STXBP4: variants seen among roughly 807,000 people sequenced by gnomAD.
The protein encoded by STXBP4 is syntaxin binding protein 4, also known as syntaxin-binding protein 4.
STXBP4 carries 55 observed loss-of-function variants against 76.1 expected under a neutral mutation model. That is an observed-to-expected ratio of 0.72 (90% CI 0.58 to 0.91). The LOEUF is 0.91. Ranked by LOEUF, STXBP4 falls within the 40% of genes least tolerant of loss-of-function variation. The pLI is 0.00. For synonymous variants in STXBP4, 201 were observed against 220.2 expected (o/e 0.91, Z 0.77); for missense variants, 618 against 636.9 (o/e 0.97, Z 0.32).
intron 16 of STXBP4, among the ~76,000 whole-genome samples, chr17:55,110,437 G>T (rs1328044250): frequency 1.3e-5 from 2 of 152,148 alleles, no homozygotes; most frequent in African/African-American, 4.8e-5. Flanking sequence ...GGGCCTTGGA[G>T]GATAGATAGA....
At chr17:55,185,296 T>TCCTC in the STXBP4 span, among the ~76,000 whole-genome samples, 1 of 87,946 alleles carries the variant, frequency 1.1e-5, no homozygotes, top group African/African-American at 4.8e-5. Context: ...TCCTTCTCCT[T>TCCTC]CTCCTTCTCC....
At chr17:55,048,671 A>G (rs1319859438) in intron 12 of STXBP4, among the ~76,000 whole-genome samples, 1 of 151,924 alleles carries the variant, frequency 6.6e-6, no homozygotes, top group African/African-American at 2.4e-5. Flanking sequence ...AACTTAGGAA[A>G]GAAGGAAGAG....
chr17:55,015,726 G>C (rs1329199616), intron 8 of STXBP4, among the ~76,000 whole-genome samples: 1 of 151,564 alleles, frequency 6.6e-6, no homozygotes, highest in Non-Finnish European at 1.5e-5. Flanking sequence ...GGGTTGAAAG[G>C]GGGTCCTTAT....
chr17:55,158,639 C>G (rs1156457542), intron 17 of STXBP4, among the ~76,000 whole-genome samples: 2 of 152,208 alleles, frequency 1.3e-5, no homozygotes, highest in African/African-American at 2.4e-5. Context: ...TCACCATTTC[C>G]TAGACATACC....
At chr17:55,105,604 G>A (rs1598317678) in intron 16 of STXBP4, among the ~76,000 whole-genome samples, 1 of 151,522 alleles carries the variant, frequency 6.6e-6, no homozygotes, top group Non-Finnish European at 1.5e-5. Flanking sequence ...CAAGTAGCTG[G>A]GACGACAGGC....
At chr17:55,063,280 C>A (rs1015409070) in intron 12 of STXBP4, among the ~76,000 whole-genome samples, 2 of 152,188 alleles carry the variant, frequency 1.3e-5, no homozygotes, top group African/African-American at 4.8e-5. Context: ...TAGAAAAGAT[C>A]TTACCATGTT....
rs546310850 is a variant in STXBP4 at position 55,000,094 on chromosome 17, A to G, written c.498+252A>G. The G allele has an allele frequency of 9.6e-4, 456 of 476,356 alleles. 2 individuals carry two copies. The highest frequency in any genetic ancestry group is 9.0e-3 in the African/African-American group (425 of 47,314). The allele number at this position is 476,356 out of a possible 1,614,324, so 29.5% of individuals were successfully genotyped here. ...CATGACAAAATGGTTCCACAAAGATATGCCTAGATATCACTCAAAACTATG... is the reference window on the plus strand; with the variant it reads ...CATGACAAAATGGTTCCACAAAGATGTGCCTAGATATCACTCAAAACTATG... On this transcript the variant is annotated intron_variant, in intron 6 of 17. Coordinates refer to ENST00000376352, the MANE Select transcript of STXBP4 (RefSeq NM_178509.6).
At chr17:55,208,313 G>T in the STXBP4 span, among the ~76,000 whole-genome samples, 1 of 152,022 alleles carries the variant, frequency 6.6e-6, no homozygotes, top group Non-Finnish European at 1.5e-5. Context: ...ACTGTGAACT[G>T]CTTTTGTGCA....
intron 9 of STXBP4, among the ~76,000 whole-genome samples, chr17:55,032,661 A>G (rs2078529863): frequency 6.6e-6 from 1 of 152,158 alleles, no homozygotes. Context: ...GAAAAGAAGT[A>G]TATTCCTTTG....
intron 16 of STXBP4, among the ~76,000 whole-genome samples, chr17:55,129,361 A>G (rs974925661): frequency 6.6e-6 from 1 of 152,150 alleles, no homozygotes; most frequent in Non-Finnish European, 1.5e-5. Flanking sequence ...ATGAAATAGA[A>G]AACTATTTTT....
chr17:55,110,594 C>CT (rs1459942362), intron 16 of STXBP4, among the ~76,000 whole-genome samples: 1 of 152,134 alleles, frequency 6.6e-6, no homozygotes, highest in Non-Finnish European at 1.5e-5. Context: ...ATTCTGTAAA[C>CT]TTTTTTTCTG....
intron 16 of STXBP4, among the ~76,000 whole-genome samples, chr17:55,126,967 T>A (rs1013636379): frequency 6.6e-6 from 1 of 152,206 alleles, no homozygotes; most frequent in Non-Finnish European, 1.5e-5. Context: ...CACATACTAC[T>A]GGTTCAGGAT....
chr17:55,205,663 A>G, the STXBP4 span, among the ~76,000 whole-genome samples: 3 of 152,130 alleles, frequency 2.0e-5, no homozygotes, highest in East Asian at 5.8e-4. Context: ...GTTCAACCTC[A>G]TTGTATTAAA....
intron 16 of STXBP4, among the ~76,000 whole-genome samples, chr17:55,118,700 G>A (rs1341149803): frequency 6.6e-6 from 1 of 151,708 alleles, no homozygotes; most frequent in East Asian, 1.9e-4. Flanking sequence ...AACCTTTAGA[G>A]GTCTATTGAA....
chr17:55,083,616 G>C (rs1018086653), intron 16 of STXBP4, among the ~76,000 whole-genome samples: 3 of 152,172 alleles, frequency 2.0e-5, no homozygotes, highest in African/African-American at 7.2e-5. Flanking sequence ...CGTGGTTGCA[G>C]TCAGATGTCT....
chr17:55,018,479 G>A (rs1266512805), intron 8 of STXBP4, among the ~76,000 whole-genome samples: 1 of 152,128 alleles, frequency 6.6e-6, no homozygotes, highest in East Asian at 1.9e-4. Flanking sequence ...AGAAAGGGAG[G>A]GGACCCAAAG....
At chr17:55,056,499 A>C (rs966113687) in intron 12 of STXBP4, among the ~76,000 whole-genome samples, 1 of 152,166 alleles carries the variant, frequency 6.6e-6, no homozygotes, top group African/African-American at 2.4e-5. Context: ...GTTTACATCC[A>C]CACTAACAAA....
At chr17:55,044,542 T>C (rs914933512) in intron 11 of STXBP4, 1 of 152,132 alleles carries the variant, frequency 6.6e-6, no homozygotes, top group Admixed American at 6.6e-5. Flanking sequence ...CTGACACCTT[T>C]AATCGCAGTA....
At position 54,999,852 on chromosome 17, in the gene STXBP4, G is replaced by A; in HGVS notation, c.498+10G>A. ...TTTATCTTCTTGTGAGGTAAGTCAG[G>A]TAATCTTAAATTTCTCTATATATGC... On this transcript the variant is annotated intron_variant, in intron 6 of 17. Transcript: ENST00000376352. 6.3e-7 allele frequency: 1 copy of A among 1,589,224 alleles called. No homozygotes were observed. Among genetic ancestry groups the A allele is most frequent in the South Asian group, 1.1e-5 (1 of 89,678 alleles).
Sources: allele counts gnomAD v4.1 joint callset (sites outside exome capture counted in the v4.1 genomes callset), GRCh38; gene constraint gnomAD v4.1.1; transcripts MANE v1.5; gene names NCBI Gene and HGNC (gene_info 2026-07-23, HGNC 2026-07-21).